The following CAST variants were observed in gnomAD, a reference collection of about 807,000 sequenced individuals.
CAST encodes calpastatin, also known as MIR583 host.
Under a neutral mutation model 119.6 loss-of-function variants are expected in CAST, and 76 were observed. That is an observed-to-expected ratio of 0.64 (90% confidence interval 0.53 to 0.77). The LOEUF is 0.77. Among genes scored for constraint, CAST ranks in the 30% least tolerant of loss-of-function variants. The probability of loss-of-function intolerance (pLI) is 0.00; values close to 1 mark genes in which losing one functional copy is unlikely to be tolerated. For missense variants in CAST, 953 were observed against 946.5 expected (o/e 1.01, Z -0.09); for synonymous variants, 319 against 331.6 (o/e 0.96, Z 0.41).
At chr5:96,260,884 G>T in the CAST span, among the ~76,000 whole-genome samples, 1 of 152,214 alleles carries the variant, frequency 6.6e-6, no homozygotes, top group Non-Finnish European at 1.5e-5. Context: ...GTGTCTAAAA[G>T]CTGTGAGTGA....
the CAST span, among the ~76,000 whole-genome samples, chr5:96,026,413 G>A: frequency 6.6e-6 from 1 of 152,310 alleles, no homozygotes; most frequent in Non-Finnish European, 1.5e-5. Flanking sequence ...CTTCTTCAGA[G>A]AGTCCCCAAA....
the CAST span, among the ~76,000 whole-genome samples, chr5:96,495,135 A>AGAC: frequency 2.7e-5 from 4 of 146,610 alleles, no homozygotes; most frequent in South Asian, 8.6e-4. Context: ...AAAAAAAAAA[A>AGAC]AAAAAGTGTG....
the CAST span, among the ~76,000 whole-genome samples, chr5:96,171,418 G>C: frequency 6.6e-6 from 1 of 152,172 alleles, no homozygotes. Flanking sequence ...AGAGAAAAGA[G>C]AGGGTAGAGA....
chr5:95,995,752 C>T, the CAST span, among the ~76,000 whole-genome samples: 265 of 152,084 alleles, frequency 1.7e-3, 1 homozygote, highest in South Asian at 6.9e-3. Flanking sequence ...ATATTAAATC[C>T]TTTTGGGGGT....
At chr5:96,310,637 C>T in the CAST span, among the ~76,000 whole-genome samples, 4 of 150,210 alleles carry the variant, frequency 2.7e-5, no homozygotes, top group Non-Finnish European at 5.9e-5. Flanking sequence ...TTCAGATTTC[C>T]TATTTCTTTA....
chr5:96,395,107 C>A, the CAST span: 1 of 1,098,936 alleles, frequency 9.1e-7, no homozygotes, highest in East Asian at 2.4e-5. Context: ...AAAAGGATTT[C>A]ATTGTTAAAA....
At chr5:96,432,093 A>G in the CAST span, 1 of 1,534,348 alleles carries the variant, frequency 6.5e-7, no homozygotes, top group Non-Finnish European at 8.7e-7. Flanking sequence ...TTGGCTGAAG[A>G]ACAAGAAAGA....
intron 12 of CAST, among the ~76,000 whole-genome samples, 179 bp downstream of exon 12, chr5:96,740,297 G>A (rs1027004780): frequency 3.3e-5 from 5 of 152,100 alleles, no homozygotes; most frequent in Admixed American, 1.3e-4. Context: ...ACCACAGATC[G>A]GGGCATAAAC....
At position 96,754,680 on chromosome 5, in the gene CAST, G is replaced by T; in HGVS notation, c.1649G>T (p.Arg550Leu). ...CAGGAGAAGGCCAAAGAAGAAGACC[G>T]TGAAAAGCTTGGTGAAAAAGAAGAA... ...KVKEKAKEED[R>L]EKLGEKEETI... Residue 550 changes from arginine (R) to leucine (L), a missense_variant, in exon 22 of 32, where the codon CGT becomes CTT. Physicochemically the swap from Arg to Leu is moderately radical, Grantham distance 102. Coordinates refer to ENST00000675179, the MANE Select transcript of CAST (RefSeq NM_001750.7). The T allele has an allele frequency of 6.2e-7, 1 of 1,607,728 alleles. No homozygotes were observed.
intron 2 of CAST, among the ~76,000 whole-genome samples, chr5:96,690,990 A>G (rs973884665): frequency 2.6e-5 from 4 of 152,240 alleles, no homozygotes; most frequent in Admixed American, 6.5e-5. Flanking sequence ...ATGCAATTTT[A>G]TCATTGTGGA....
the CAST span, among the ~76,000 whole-genome samples, chr5:96,425,470 G>C: frequency 4.6e-5 from 7 of 152,090 alleles, no homozygotes; most frequent in Non-Finnish European, 1.0e-4. Context: ...TGCTTTAAAG[G>C]GTTCTGAAGA....
At chr5:96,710,498 C>T (rs1755902964) in intron 3 of CAST, among the ~76,000 whole-genome samples, 1 of 151,964 alleles carries the variant, frequency 6.6e-6, no homozygotes, top group African/African-American at 2.4e-5. Context: ...GTCTATTGTC[C>T]CCCTTCCTCT....
chr5:96,393,593 A>G, the CAST span, among the ~76,000 whole-genome samples: 1 of 152,068 alleles, frequency 6.6e-6, no homozygotes, highest in Non-Finnish European at 1.5e-5. Flanking sequence ...ATCTCCCTCA[A>G]CTTCACCTGT....
chr5:95,999,138 C>T, the CAST span, among the ~76,000 whole-genome samples: 5 of 152,098 alleles, frequency 3.3e-5, no homozygotes, highest in Admixed American at 2.0e-4. Flanking sequence ...TATAGTTATT[C>T]TCATTCCTAT....
the CAST span, chr5:96,411,035 C>A: frequency 7.8e-7 from 1 of 1,282,908 alleles, no homozygotes; most frequent in South Asian, 1.2e-5. Flanking sequence ...CTATTGGGGT[C>A]ATTGTTATAT....
the CAST span, among the ~76,000 whole-genome samples, chr5:96,267,962 T>G: frequency 6.6e-6 from 1 of 152,240 alleles, no homozygotes; most frequent in Non-Finnish European, 1.5e-5. Flanking sequence ...CTTCCTTTTT[T>G]CTCTGTTTCT....
At chr5:96,634,115 A>C (rs1341069515) in intron 1 of CAST, among the ~76,000 whole-genome samples, 3 of 152,224 alleles carry the variant, frequency 2.0e-5, no homozygotes, top group Non-Finnish European at 4.4e-5. Context: ...GTGCTGACTG[A>C]CGACATAACG....
the CAST span, chr5:96,397,304 T>TTGTG: frequency 1.2e-6 from 2 of 1,600,698 alleles, no homozygotes; most frequent in African/African-American, 2.7e-5. Flanking sequence ...AAAAGTAAGC[T>TTGTG]TGTGTTTTTT....
the CAST span, among the ~76,000 whole-genome samples, chr5:96,313,307 A>G: frequency 1.3e-5 from 2 of 152,158 alleles, no homozygotes; most frequent in Admixed American, 6.5e-5. Context: ...ATATAGATTT[A>G]TTTCCTCATG....
Sources: gnomAD v4.1 joint callset for allele counts (sites outside exome capture counted in the v4.1 genomes callset) on GRCh38, gnomAD v4.1.1 for gene constraint, MANE v1.5 for transcripts, NCBI Gene and HGNC (gene_info 2026-07-23, HGNC 2026-07-21) for gene names.